HTT: variants seen among roughly 807,000 people sequenced by gnomAD.
HTT encodes huntingtin.
Under a neutral mutation model 362.3 loss-of-function variants are expected in HTT, and 104 were observed. That is an observed-to-expected ratio of 0.29 (90% CI 0.24 to 0.34). The LOEUF (loss-of-function observed/expected upper bound fraction) is 0.34. Ranked by LOEUF, HTT falls within the 10% of genes least tolerant of loss-of-function variation. The pLI is 1.00. For synonymous variants in HTT, 1,577 were observed against 1,548.7 expected (o/e 1.02, Z -0.43); for missense variants, 3,301 against 3,928.6 (o/e 0.84, Z 4.27).
intron 6 of HTT, among the ~76,000 whole-genome samples, chr4:3,113,578 C>T (rs1195993189): frequency 1.3e-5 from 2 of 152,212 alleles, no homozygotes; most frequent in African/African-American, 4.8e-5. Context: ...GATCTGCCTT[C>T]TTCAGCCTCC....
At chr4:3,114,241 A>G (rs1222671459) in intron 6 of HTT, among the ~76,000 whole-genome samples, 1 of 152,166 alleles carries the variant, frequency 6.6e-6, no homozygotes, top group East Asian at 1.9e-4. Flanking sequence ...GCGGTTTTCC[A>G]CCCTGGGTGG....
At chr4:3,134,768 C>T (rs1338430674) in intron 19 of HTT, among the ~76,000 whole-genome samples, 7 of 152,114 alleles carry the variant, frequency 4.6e-5, no homozygotes, top group Admixed American at 6.5e-5. Context: ...CTTGCTCTGT[C>T]GCCCAGGCTT....
At chr4:3,191,588 T>C (rs1391127814) in intron 40 of HTT, among the ~76,000 whole-genome samples, 2 of 152,180 alleles carry the variant, frequency 1.3e-5, no homozygotes, top group African/African-American at 4.8e-5. Flanking sequence ...AAAGGAAAAC[T>C]AACCAAGTTA....
In HTT at chr4:3,219,933, G is replaced by A. The variant is rs377106379; in HGVS notation, c.7243-249G>A. The stretch of plus-strand genomic sequence containing the variant: ...CTTCTCCCAGCACTCCCTGAGTGGG[G>A]TGTGCCAGCAGCCTCAGGATGAGGA... On this transcript the variant is annotated intron_variant, in intron 52 of 66. Coordinates refer to ENST00000355072, the MANE Select transcript of HTT (RefSeq NM_001388492.1). 3.2e-3 allele frequency among the ~76,000 whole-genome samples: 489 copies of A among 152,086 alleles called. 1 individual carries two copies. The highest frequency in any genetic ancestry group is 0.011 in the African/African-American group (475 of 41,338).
chr4:3,188,813 C>T (rs1332381013), intron 39 of HTT, 138 bp from the exon 40 acceptor site: 4 of 789,030 alleles, frequency 5.1e-6, no homozygotes, highest in Non-Finnish European at 8.0e-6. Context: ...CGACGGCGCT[C>T]TGCATTTCAC....
intron 29 of HTT, among the ~76,000 whole-genome samples, chr4:3,165,176 T>C (rs979374603): frequency 2.6e-5 from 4 of 152,240 alleles, no homozygotes; most frequent in African/African-American, 9.6e-5. Context: ...CGTTCACTTA[T>C]GAAGCTTAGT....
rs148519568 is a variant in HTT at position 3,234,756 on chromosome 4, G to C, written c.8457-528G>C. On this transcript the variant is annotated intron_variant, in intron 61 of 66. Coordinates refer to ENST00000355072, the MANE Select transcript of HTT (RefSeq NM_001388492.1). ...TGGTGACAGATATACGCATCACTGGGCACGTTTTTGTGGGTGTTGGGGGGC... is the reference window on the plus strand; with the variant it reads ...TGGTGACAGATATACGCATCACTGGCCACGTTTTTGTGGGTGTTGGGGGGC... Among the ~76,000 whole-genome samples the C allele has an allele frequency of 1.1e-3, 162 of 152,330 alleles. 1 individual carries two copies. The East Asian group carries it at 0.029, about 27-fold the overall frequency.
chr4:3,095,927 C>A (rs28834148), intron 2 of HTT, among the ~76,000 whole-genome samples: 22,733 of 152,116 alleles, frequency 0.15, 2,596 homozygotes, highest in African/African-American at 0.32. Context: ...TAAAAGGCAG[C>A]GATTTTTCAG....
At chr4:3,177,193 T>C (rs1176943347) in intron 33 of HTT, 139 bp from the exon 34 acceptor site, 3 of 670,078 alleles carry the variant, frequency 4.5e-6, no homozygotes, top group African/African-American at 1.8e-5. Flanking sequence ...GATTTCAGAA[T>C]AGAGTTATGC....
intron 29 of HTT, among the ~76,000 whole-genome samples, chr4:3,165,663 A>T (rs904559683): frequency 6.6e-6 from 1 of 151,594 alleles, no homozygotes; most frequent in African/African-American, 2.4e-5. Flanking sequence ...CATTAATTTG[A>T]TCTTCAATCA....
intron 12 of HTT, chr4:3,128,947 T>A (rs1560560009): frequency 6.6e-6 from 1 of 152,244 alleles, no homozygotes; most frequent in African/African-American, 2.4e-5. Context: ...TCCCGCCAAG[T>A]CCCTGGCAAC....
Position 3,074,781 on chromosome 4 carries a change from C to T in HTT, c.-45C>T, listed in dbSNP as rs2110128466. ...CCCGGTGCTGAGCGGCGCCGCGAGT[C>T]GGCCCGAGGCCTCCGGGGACTGCCG... On this transcript the variant is annotated 5_prime_UTR_variant, in exon 1 of 67. Coordinates refer to ENST00000355072, the MANE Select transcript of HTT (RefSeq NM_001388492.1). 1.3e-6 allele frequency: 2 copies of T among 1,500,846 alleles called. No individual in the cohort carries two copies. The highest frequency in any genetic ancestry group is 1.8e-6 in the Non-Finnish European group (2 of 1,130,658). The allele number at this position is 1,500,846 out of a possible 1,614,324, so 93.0% of individuals were successfully genotyped here. A position where few individuals can be genotyped will look rare whatever the true frequency, so the allele number is the denominator to read the frequency against.
At chr4:3,230,579 A>G (rs983187399) in intron 60 of HTT, among the ~76,000 whole-genome samples, 1 of 152,120 alleles carries the variant, frequency 6.6e-6, no homozygotes, top group African/African-American at 2.4e-5. Flanking sequence ...TTTGGCTGCT[A>G]CCACAAGTTA....
At chr4:3,191,472 C>T (rs28643391) in intron 40 of HTT, among the ~76,000 whole-genome samples, 18,503 of 152,044 alleles carry the variant, frequency 0.12, 1,284 homozygotes, top group African/African-American at 0.19. Context: ...GCACCCGGCC[C>T]GAGCTTTCAT....
intron 29 of HTT, among the ~76,000 whole-genome samples, chr4:3,162,043 T>C (rs1036428575): frequency 1.3e-5 from 2 of 152,250 alleles, no homozygotes; most frequent in Non-Finnish European, 2.9e-5. Context: ...TTCTAGGATT[T>C]TTATGGTCCT....
At position 3,225,318 on chromosome 4, in the gene HTT, G is replaced by A. The variant is rs145328620; in HGVS notation, c.7766-343G>A. Among the ~76,000 whole-genome samples the A allele has an allele frequency of 6.7e-4, 102 of 152,312 alleles. No individual in the cohort carries two copies. In the East Asian group the frequency reaches 0.018, roughly 26 times the overall value. ...GCCTGCCTGGACTGTCGGCTCGCCT[G>A]CAACTGCTGACTCCTAAGCTTTTGC... On this transcript the variant is annotated intron_variant, in intron 56 of 66. Transcript: ENST00000355072.
intron 9 of HTT, among the ~76,000 whole-genome samples, chr4:3,122,680 A>G (rs1403424195): frequency 6.6e-6 from 1 of 152,138 alleles, no homozygotes; most frequent in Admixed American, 6.5e-5. Flanking sequence ...TTGATTTCTT[A>G]GGTCATATCT....
At position 3,206,594 on chromosome 4, in the gene HTT, C is replaced by G; in HGVS notation, c.5817C>G (p.Phe1939Leu). 1.2e-6 allele frequency: 2 copies of G among 1,614,178 alleles called. No homozygotes were observed. The highest frequency in any genetic ancestry group is 1.7e-6 in the Non-Finnish European group (2 of 1,180,022). The change falls in exon 43 of 67, where the codon TTC becomes TTG. Residue 1939 changes from phenylalanine to leucine, a missense_variant. Phe to Leu is a conservative substitution (Grantham distance 22, BLOSUM62 0). This residue lies in a region of HTT where 2,316 missense variants were observed against 2,658.5 expected (regional missense o/e 0.87). Coordinates refer to ENST00000355072, the MANE Select transcript of HTT (RefSeq NM_001388492.1). This position sits in a 1 kb window ranked among gnomAD's most constrained non-coding sequence, Gnocchi z 4.6. ...SLSHEPPVQD[F>L]ISAVHRNSAA... Reference sequence around the variant, plus strand: ...CCCACGAGCCTCCAGTACAGGACTTCATCAGTGCCGTTCATCGGAACTCTG... The same window carrying G: ...CCCACGAGCCTCCAGTACAGGACTTGATCAGTGCCGTTCATCGGAACTCTG...
chr4:3,175,157 A>G (rs1718182199), intron 33 of HTT, 50 bp downstream of exon 33: 2 of 1,503,654 alleles, frequency 1.3e-6, no homozygotes, highest in Admixed American at 1.9e-5. Flanking sequence ...AATTTAGTAC[A>G]AATTACCCTA....
Sources: gnomAD v4.1 joint callset for allele counts (sites outside exome capture counted in the v4.1 genomes callset) on GRCh38, gnomAD v4.1.1 for gene constraint, gnomAD v4.1.1 regional missense constraint, Gnocchi (gnomAD v3.1) non-coding constraint, MANE v1.5 for transcripts, NCBI Gene and HGNC (gene_info 2026-07-23, HGNC 2026-07-21) for gene names.